Variants in USP45 observed in about 807,000 individuals in gnomAD.
The protein encoded by USP45 is ubiquitin carboxyl-terminal hydrolase 45.
USP45 carries 89 observed loss-of-function variants against 95.8 expected under a neutral mutation model. The observed-to-expected ratio is 0.93, with a 90% CI of 0.78 to 1.11. The LOEUF is 1.11. Among genes scored for constraint, USP45 ranks in the 50% least tolerant of loss-of-function variants. The pLI, the probability that USP45 is intolerant of heterozygous loss-of-function variation, is 0.00. For synonymous variants in USP45, 281 were observed against 316.2 expected (o/e 0.89, Z 1.18); for missense variants, 898 against 942.5 (o/e 0.95, Z 0.62).
In USP45 at chr6:99,433,712, A is replaced by G. The variant is rs918039811; in HGVS notation, c.*2004T>C. 3 of 151,984 alleles carry G rather than the reference A, an allele frequency of 2.0e-5. No homozygotes were observed. Among genetic ancestry groups the G allele is most frequent in the African/African-American group, 7.3e-5 (3 of 41,362 alleles). The allele number at this position is 151,984 out of a possible 1,614,324, so 9.4% of individuals were successfully genotyped here. ...ACTTCTGGAATAATGTCAAAAATCT[A>G]TGTAGATCTTTCCATTTTAAATGAT... On this transcript the variant is annotated 3_prime_UTR_variant, in exon 18 of 18. Transcript: ENST00000500704.
intron 7 of USP45, among the ~76,000 whole-genome samples, chr6:99,484,037 G>T (rs1389266521): frequency 2.7e-5 from 3 of 112,064 alleles, no homozygotes; most frequent in African/African-American, 1.1e-4. Context: ...AAGAGACAGG[G>T]TTGCCCAGGC....
At chr6:99,492,898 T>G (rs1795500867) in intron 5 of USP45, among the ~76,000 whole-genome samples, 1 of 152,250 alleles carries the variant, frequency 6.6e-6, no homozygotes, top group Admixed American at 6.5e-5. Flanking sequence ...TTAAATTGAT[T>G]TATCAATGCC....
At position 99,432,334 on chromosome 6, in the gene USP45, G is replaced by A. The variant is rs1779831453; in HGVS notation, c.*3382C>T. 6.6e-6 allele frequency: 1 copy of A among 152,132 alleles called. No homozygotes were observed. 9.4% of individuals were successfully genotyped at this position (152,132 alleles called of 1,614,324 possible). ...TTGTTAATACACCACATAGTTGATG[G>A]TATTTTATTATAGCAGCCTGAGTGG... On this transcript the variant is annotated 3_prime_UTR_variant, in exon 18 of 18. Transcript: ENST00000500704.
At chr6:99,506,158 T>C (rs182462614) in intron 4 of USP45, among the ~76,000 whole-genome samples, 5 of 152,176 alleles carry the variant, frequency 3.3e-5, no homozygotes, top group Admixed American at 1.3e-4. Flanking sequence ...AATATTTTTA[T>C]GTTAAAGAAA....
chr6:99,443,446 T>G (rs1211186698), intron 15 of USP45, 119 bp downstream of exon 15: 5 of 579,864 alleles, frequency 8.6e-6, no homozygotes, highest in Non-Finnish European at 1.5e-5. Flanking sequence ...AAATCTCACA[T>G]GACACATTTT....
intron 3 of USP45, among the ~76,000 whole-genome samples, chr6:99,508,315 T>C (rs1798988265): frequency 1.3e-5 from 2 of 152,182 alleles, no homozygotes. Flanking sequence ...ATCTGAAAGG[T>C]AGATCCATTT....
At position 99,507,438 on chromosome 6, in the gene USP45, A is replaced by G. The variant is rs755083787; in HGVS notation, c.367T>C (p.Trp123Arg). Residue 123 changes from tryptophan to arginine, a missense_variant, in exon 4 of 18, where the codon TGG becomes CGG. By Grantham distance (101) the Trp-to-Arg change is moderately radical. Transcript: ENST00000500704. ...PHCIIINLST[W>R]IIWCYECDEK... ...CAAAATTTAACTTACCATATAATCC[A>G]TGTGCTCAGATTAATTATAATACAA... 3 of 1,601,590 alleles carry G rather than the reference A, an allele frequency of 1.9e-6. No individual in the cohort carries two copies. The highest frequency in any genetic ancestry group is 2.2e-5 in the East Asian group (1 of 44,732).
chr6:99,448,972 T>C (rs1410152740), intron 13 of USP45, among the ~76,000 whole-genome samples: 1 of 152,110 alleles, frequency 6.6e-6, no homozygotes, highest in Non-Finnish European at 1.5e-5. Context: ...AAGCAAATGC[T>C]GAGAGATTGT....
chr6:99,464,643 T>C lies in USP45; in HGVS notation c.1269A>G (p.Gln423=). 6.2e-7 allele frequency: 1 copy of C among 1,613,434 alleles called. No homozygotes were observed. Among genetic ancestry groups the C allele is most frequent in the Non-Finnish European group, 8.5e-7 (1 of 1,179,828 alleles). Residue 423 remains glutamine (Q), a synonymous_variant, in exon 13 of 18, where the codon CAA becomes CAG. Transcript: ENST00000500704. ...AAGAATGCTTCTTGGCAGCTCTAGG[T>C]TGATGAATATTTTCTATAGTAACAT... ...SGNVTIENIH[Q]PRAAKKHSSS... is the part of the protein sequence containing the mutation.
intron 16 of USP45, 28 bp downstream of exon 16, chr6:99,439,741 A>G (rs747087717): frequency 9.8e-6 from 14 of 1,435,604 alleles, no homozygotes; most frequent in Middle Eastern, 2.1e-4. Flanking sequence ...TAATTTATAA[A>G]TCAATTAAAT....
chr6:99,436,793 G>A (rs1192078322), intron 17 of USP45, among the ~76,000 whole-genome samples: 1 of 152,020 alleles, frequency 6.6e-6, no homozygotes, highest in East Asian at 1.9e-4. Flanking sequence ...CTCCTAGAGG[G>A]AATTCTTAAG....
rs1410665172 is a variant in USP45 at position 99,434,073 on chromosome 6, A to C, written c.*1643T>G. On this transcript the variant is annotated 3_prime_UTR_variant, in exon 18 of 18. Transcript: ENST00000500704. ...AGAACACAGCCTGACTTTGCAGATT[A>C]ACTTAAAGATATATTTCTTGATTAT... is the stretch of plus-strand genomic sequence containing the variant. 6.6e-6 allele frequency: 1 copy of C among 152,218 alleles called. No individual in the cohort carries two copies. Among genetic ancestry groups the C allele is most frequent in the Non-Finnish European group, 1.5e-5 (1 of 68,020 alleles). 9.4% of individuals were successfully genotyped at this position (152,218 alleles called of 1,614,324 possible).
At chr6:99,453,333 A>G (rs1312931976) in intron 13 of USP45, among the ~76,000 whole-genome samples, 1 of 152,166 alleles carries the variant, frequency 6.6e-6, no homozygotes, top group Non-Finnish European at 1.5e-5. Context: ...TGCAAAATCA[A>G]CATATGAAAA....
intron 5 of USP45, among the ~76,000 whole-genome samples, chr6:99,493,801 T>C (rs1475961863): frequency 9.2e-5 from 14 of 152,154 alleles, no homozygotes; most frequent in Admixed American, 9.2e-4. Context: ...GCCTGGCCTG[T>C]ATGTTTTAAT....
Position 99,445,936 on chromosome 6 carries a change from T to C in USP45, c.1836A>G (p.Ile612Met). 3 of 1,614,106 alleles carry C rather than the reference T, an allele frequency of 1.9e-6. No individual in the cohort carries two copies. Among genetic ancestry groups the C allele is most frequent in the Non-Finnish European group, 2.5e-6 (3 of 1,180,026 alleles). Reference protein sequence around the residue: ...NAFQTLSQSYITTSKECSIQS... With the variant: ...NAFQTLSQSYMTTSKECSIQS... ...GAATTGAACATTCTTTAGAAGTAGTTATATAGCTCTGAGAAAGGGTCTGAA... is the reference window on the plus strand; with the variant it reads ...GAATTGAACATTCTTTAGAAGTAGTCATATAGCTCTGAGAAAGGGTCTGAA... The change falls in exon 14 of 18, where the codon ATA becomes ATG. Residue 612 changes from isoleucine to methionine, a missense_variant. By Grantham distance (10) the Ile-to-Met change is conservative. Transcript: ENST00000500704.
intron 9 of USP45, among the ~76,000 whole-genome samples, chr6:99,470,515 C>T (rs1438700845): frequency 6.6e-6 from 1 of 152,092 alleles, no homozygotes; most frequent in Admixed American, 6.5e-5. Flanking sequence ...AAATATTTTA[C>T]AAAGTAGGGG....
At chr6:99,469,486 ATTTTT>A (rs60670572) in intron 9 of USP45, among the ~76,000 whole-genome samples, 159 of 136,760 alleles carry the variant, frequency 1.2e-3, no homozygotes, top group Admixed American at 2.1e-3. Flanking sequence ...ATATATATAT[ATTTTT>A]TTTTTTTTTG....
chr6:99,435,719 T>C lies in USP45; in HGVS notation c.2442A>G (p.Leu814=), dbSNP rs759902498. The C allele has an allele frequency of 1.4e-4, 233 of 1,611,620 alleles. 1 individual carries two copies. The East Asian group carries it at 5.0e-3, about 34-fold the overall frequency. Residue 814 remains leucine, a synonymous_variant, in exon 18 of 18, where the codon TTA becomes TTG. Transcript: ENST00000500704. The part of the protein sequence containing the change: ...QAYLLFYERV[L] ...AAATAATCATTACCATTAATAGTTA[T>C]AATACTCTTTCATAGAAAAGAAGGT...
chr6:99,501,802 T>C (rs989332819), intron 5 of USP45: 11 of 658,520 alleles, frequency 1.7e-5, no homozygotes, highest in South Asian at 1.6e-4. Flanking sequence ...AATACATTAC[T>C]GTTATATAAT....
Sources: allele counts gnomAD v4.1 joint callset (sites outside exome capture counted in the v4.1 genomes callset), GRCh38; gene constraint gnomAD v4.1.1; transcripts MANE v1.5; gene names NCBI Gene and HGNC (gene_info 2026-07-23, HGNC 2026-07-21).